The following TRDN variants were observed in gnomAD, a reference collection of about 807,000 sequenced individuals.
The protein encoded by TRDN is triadin.
A neutral mutation model predicts 149.7 loss-of-function variants in TRDN; 161 were observed. The ratio of observed to expected loss-of-function variants is 1.08; its 90% CI spans 0.95 to 1.23. The LOEUF (loss-of-function observed/expected upper bound fraction) is 1.23, where lower values mean the gene tolerates loss of function less well. TRDN is among the 50% of genes most tolerant of loss of function. The pLI is 0.00. For synonymous variants in TRDN, 294 were observed against 250.5 expected (o/e 1.17, Z -1.64); for missense variants, 896 against 823.5 (o/e 1.09, Z -1.08).
intron 37 of TRDN, among the ~76,000 whole-genome samples, chr6:123,254,594 G>A (rs1184701703): frequency 6.6e-6 from 1 of 151,882 alleles, no homozygotes; most frequent in Non-Finnish European, 1.5e-5. Flanking sequence ...CAGCAAAATA[G>A]ATCATTCTCT....
chr6:123,513,805 A>G (rs1779289035), intron 6 of TRDN, among the ~76,000 whole-genome samples: 1 of 152,048 alleles, frequency 6.6e-6, no homozygotes, highest in Non-Finnish European at 1.5e-5. Flanking sequence ...TTCAAGTGTA[A>G]ATATACCATA....
At chr6:123,332,306 C>G (rs1173983043) in intron 22 of TRDN, among the ~76,000 whole-genome samples, 1 of 31,118 alleles carries the variant, frequency 3.2e-5, no homozygotes, top group Non-Finnish European at 5.7e-5. Context: ...TTTTAGCCCA[C>G]ATTTTGTCAA....
intron 10 of TRDN, among the ~76,000 whole-genome samples, chr6:123,463,691 G>T (rs1430948873): frequency 6.6e-6 from 1 of 151,734 alleles, no homozygotes; most frequent in East Asian, 1.9e-4. Flanking sequence ...ATAGTTTTGT[G>T]TCAAATTCTC....
intron 10 of TRDN, among the ~76,000 whole-genome samples, chr6:123,457,142 A>G (rs1227312606): frequency 1.3e-5 from 2 of 152,316 alleles, no homozygotes; most frequent in South Asian, 2.1e-4. Context: ...GTCAAAATGC[A>G]AGTAAAAAAC....
chr6:123,262,018 C>G (rs574215157), intron 33 of TRDN, among the ~76,000 whole-genome samples: 1 of 152,052 alleles, frequency 6.6e-6, no homozygotes, highest in Non-Finnish European at 1.5e-5. Context: ...TCCAGATACA[C>G]TTTGGATTGA....
intron 19 of TRDN, among the ~76,000 whole-genome samples, chr6:123,373,908 G>C (rs1230289166): frequency 1.3e-5 from 2 of 152,050 alleles, no homozygotes; most frequent in African/African-American, 4.8e-5. Flanking sequence ...TTTCATTTTA[G>C]GCATTAACTT....
chr6:123,322,803 G>A (rs1259402459), intron 23 of TRDN, among the ~76,000 whole-genome samples: 2 of 151,724 alleles, frequency 1.3e-5, no homozygotes, highest in East Asian at 1.9e-4. Flanking sequence ...ACCACGCCCA[G>A]CTAATTTTTG....
chr6:123,275,397 G>A (rs558302813), intron 26 of TRDN, among the ~76,000 whole-genome samples: 7 of 152,114 alleles, frequency 4.6e-5, no homozygotes, highest in East Asian at 1.9e-4. Flanking sequence ...AAGAAACACC[G>A]AAGATTGCCA....
At chr6:123,495,158 G>A (rs1381772038) in intron 9 of TRDN, among the ~76,000 whole-genome samples, 1 of 152,110 alleles carries the variant, frequency 6.6e-6, no homozygotes, top group East Asian at 1.9e-4. Flanking sequence ...GGCCCAAGCA[G>A]TCCTCCCACC....
intron 10 of TRDN, chr6:123,441,917 G>A (rs943469479): frequency 6.6e-6 from 1 of 152,120 alleles, no homozygotes. Context: ...ATGTATTCCT[G>A]GTTCCAGTTA....
intron 23 of TRDN, among the ~76,000 whole-genome samples, chr6:123,319,845 G>C (rs961529691): frequency 1.3e-5 from 2 of 152,038 alleles, no homozygotes; most frequent in African/African-American, 4.8e-5. Context: ...TTTCATTTGT[G>C]AAATGTAAAT....
At chr6:123,394,940 T>C (rs944235321) in intron 12 of TRDN, among the ~76,000 whole-genome samples, 3 of 152,226 alleles carry the variant, frequency 2.0e-5, no homozygotes, top group East Asian at 1.9e-4. Flanking sequence ...TTAGTAATTA[T>C]ATATAACTGA....
At chr6:123,472,692 T>C (rs1777240828) in intron 9 of TRDN, among the ~76,000 whole-genome samples, 1 of 152,186 alleles carries the variant, frequency 6.6e-6, no homozygotes, top group South Asian at 2.1e-4. Context: ...GTCTGACAGC[T>C]TTGAAGAGAG....
chr6:123,471,671 C>T (rs1176112065), intron 9 of TRDN: 1 of 152,166 alleles, frequency 6.6e-6, no homozygotes, highest in Non-Finnish European at 1.5e-5. Flanking sequence ...CGTGTTATTA[C>T]ATATTTTCGT....
intron 8 of TRDN, chr6:123,502,277 T>G: frequency 2.2e-6 from 2 of 913,584 alleles, no homozygotes; most frequent in Non-Finnish European, 2.6e-6. Flanking sequence ...TCATCCTTTT[T>G]GTCTACCAAA....
intron 24 of TRDN, among the ~76,000 whole-genome samples, chr6:123,281,147 T>G (rs1037220598): frequency 1.3e-5 from 2 of 152,092 alleles, no homozygotes; most frequent in Non-Finnish European, 2.9e-5. Context: ...GCACAAATGT[T>G]AAACCATTTA....
chr6:123,367,587 C>A (rs922795015), intron 19 of TRDN, among the ~76,000 whole-genome samples: 1 of 152,208 alleles, frequency 6.6e-6, no homozygotes, highest in Non-Finnish European at 1.5e-5. Context: ...TATCTCAATA[C>A]CCTGGGCTTC....
At chr6:123,241,108 C>A (rs1775972333) in intron 38 of TRDN, among the ~76,000 whole-genome samples, 1 of 151,656 alleles carries the variant, frequency 6.6e-6, no homozygotes, top group South Asian at 2.1e-4. Flanking sequence ...TTAATAGTAA[C>A]ATTATTATTT....
rs1453956245 is a variant in TRDN, at chr6:123,217,687, A to G, written c.*914T>C. On this transcript the variant is annotated 3_prime_UTR_variant, in exon 41 of 41. Transcript: ENST00000334268. Reference sequence around the variant, plus strand: ...TTGATGGCATTCATATTTTGCCATTATGAGAAAGAAAAACATTTTACTTCA... The same window carrying G: ...TTGATGGCATTCATATTTTGCCATTGTGAGAAAGAAAAACATTTTACTTCA... The G allele has an allele frequency of 6.6e-6, 1 of 152,034 alleles. No individual in the cohort carries two copies. The highest frequency in any genetic ancestry group is 2.4e-5 in the African/African-American group (1 of 41,446). 9.4% of individuals were successfully genotyped at this position (152,034 alleles called of 1,614,324 possible). A position where few individuals can be genotyped will look rare whatever the true frequency, so the allele number is the denominator to read the frequency against.
Sources: allele counts gnomAD v4.1 joint callset (sites outside exome capture counted in the v4.1 genomes callset), GRCh38; gene constraint gnomAD v4.1.1; transcripts MANE v1.5; gene names NCBI Gene and HGNC (gene_info 2026-07-23, HGNC 2026-07-21).